Variants in EXOC2 observed in about 807,000 individuals in gnomAD.
EXOC2 encodes SEC5-like 1.
EXOC2 carries 70 observed loss-of-function variants against 131.8 expected under a neutral mutation model. The observed-to-expected ratio is 0.53, with a 90% CI of 0.44 to 0.65. The LOEUF (loss-of-function observed/expected upper bound fraction) is 0.65. Ranked by LOEUF, EXOC2 falls within the 30% of genes least tolerant of loss-of-function variation. EXOC2 has a pLI of 0.00. For missense variants in EXOC2, 923 were observed against 1,108.6 expected (o/e 0.83, Z 2.38); for synonymous variants, 411 against 398.4 (o/e 1.03, Z -0.38).
rs1760256413 is a variant in EXOC2, at chr6:603,989, C to T, written c.743-4764G>A. 3.3e-5 allele frequency among the ~76,000 whole-genome samples: 5 copies of T among 152,326 alleles called. No homozygotes were observed. In the South Asian group the frequency reaches 1.0e-3, roughly 32 times the overall value. Reference sequence around the variant, plus strand: ...CTATGCCAGGTGTGATTCGAAAACCCTCATGGGTATTAGTTCACCTGCACA... The same window carrying T: ...CTATGCCAGGTGTGATTCGAAAACCTTCATGGGTATTAGTTCACCTGCACA... On this transcript the variant is annotated intron_variant, in intron 7 of 27. Coordinates refer to ENST00000230449, the MANE Select transcript of EXOC2 (RefSeq NM_018303.6).
chr6:614,479 T>C (rs1760882836), intron 6 of EXOC2, among the ~76,000 whole-genome samples: 1 of 152,184 alleles, frequency 6.6e-6, no homozygotes, highest in Non-Finnish European at 1.5e-5. Context: ...TGAATCTCTA[T>C]CCCTGGCTGA....
At chr6:575,193 C>T (rs986680972) in intron 12 of EXOC2, among the ~76,000 whole-genome samples, 10 of 152,162 alleles carry the variant, frequency 6.6e-5, no homozygotes, top group South Asian at 4.2e-4. Context: ...ACCCATTGCC[C>T]GTGTGCCCCG....
At chr6:499,841 C>A in intron 23 of EXOC2, 141 bp from the exon 24 acceptor site, 1 of 633,936 alleles carries the variant, frequency 1.6e-6, no homozygotes, top group Non-Finnish European at 2.8e-6. Flanking sequence ...TTTTGAGAAT[C>A]AAATGGTGAA....
chr6:507,182 C>G (rs1764596436), intron 23 of EXOC2, among the ~76,000 whole-genome samples: 1 of 26,322 alleles, frequency 3.8e-5, no homozygotes, highest in Non-Finnish European at 8.8e-5. Flanking sequence ...ACACACACAG[C>G]AGTGACCCCC....
intron 25 of EXOC2, among the ~76,000 whole-genome samples, chr6:497,044 AGTT>A (rs149723283): frequency 0.028 from 4,217 of 152,344 alleles, 185 homozygotes; most frequent in African/African-American, 0.096. Context: ...ATTAAAAGCA[AGTT>A]GTTAAAAATT....
intron 3 of EXOC2, among the ~76,000 whole-genome samples, chr6:631,164 C>T (rs1348036994): frequency 1.3e-5 from 2 of 152,214 alleles, no homozygotes; most frequent in African/African-American, 4.8e-5. Flanking sequence ...TATGAACCCA[C>T]TCATTCTCTC....
Position 497,503 on chromosome 6 carries a change from G to C in EXOC2, c.2437-14C>G, listed in dbSNP as rs1763808868. 1 of 1,606,406 alleles carries C rather than the reference G, an allele frequency of 6.2e-7. No individual in the cohort carries two copies. Among genetic ancestry groups the C allele is most frequent in the African/African-American group, 1.3e-5 (1 of 74,660 alleles). ...AATGGTGAACACCTGGTTTGAAATAGGAAGACATGGTGCTTTGTGGGGCTT... is the reference window on the plus strand; with the variant it reads ...AATGGTGAACACCTGGTTTGAAATACGAAGACATGGTGCTTTGTGGGGCTT... On this transcript the variant is annotated splice_polypyrimidine_tract_variant and intron_variant, in intron 24 of 27. Coordinates refer to ENST00000230449, the MANE Select transcript of EXOC2 (RefSeq NM_018303.6).
At chr6:499,501 C>T in intron 24 of EXOC2, 144 bp downstream of exon 24, 1 of 573,508 alleles carries the variant, frequency 1.7e-6, no homozygotes, top group Non-Finnish European at 3.1e-6. Context: ...ACAGTGCGAG[C>T]AAGAGCTGAA....
intron 11 of EXOC2, among the ~76,000 whole-genome samples, chr6:588,599 C>T (rs1410156108): frequency 6.6e-6 from 1 of 152,178 alleles, no homozygotes; most frequent in Admixed American, 6.5e-5. Context: ...GTGATCCGCC[C>T]GCCTCGGCCT....
chr6:585,011 G>A (rs187641298), intron 11 of EXOC2, among the ~76,000 whole-genome samples: 8 of 152,306 alleles, frequency 5.3e-5, no homozygotes, highest in African/African-American at 1.2e-4. Flanking sequence ...CTCTGAAGAC[G>A]CAGTCTAATT....
intron 1 of EXOC2, among the ~76,000 whole-genome samples, chr6:674,636 C>A (rs575307886): frequency 9.2e-5 from 14 of 152,208 alleles, no homozygotes; most frequent in African/African-American, 3.1e-4. Context: ...AGAAACACTA[C>A]TGTACTGATC....
At chr6:627,297 C>T (rs1761626039) in intron 4 of EXOC2, among the ~76,000 whole-genome samples, 1 of 148,588 alleles carries the variant, frequency 6.7e-6, no homozygotes, top group African/African-American at 2.5e-5. Flanking sequence ...TGGCCAAAAG[C>T]ATTATCTTCT....
intron 4 of EXOC2, among the ~76,000 whole-genome samples, chr6:625,958 C>T (rs939905747): frequency 1.3e-5 from 2 of 152,290 alleles, no homozygotes; most frequent in South Asian, 4.1e-4. Flanking sequence ...TAAATACCCT[C>T]TTGTTAGGCA....
chr6:659,802 G>C (rs1239930040), intron 1 of EXOC2, among the ~76,000 whole-genome samples: 1 of 152,198 alleles, frequency 6.6e-6, no homozygotes, highest in Non-Finnish European at 1.5e-5. Context: ...ACTCCACAGG[G>C]AGAAGGAAAT....
chr6:530,648 G>A (rs980524081), intron 23 of EXOC2, among the ~76,000 whole-genome samples: 9 of 152,188 alleles, frequency 5.9e-5, no homozygotes, highest in Non-Finnish European at 1.2e-4. Context: ...CACAGTGCAC[G>A]AAGCACCCAG....
intron 1 of EXOC2, among the ~76,000 whole-genome samples, chr6:668,887 T>C (rs1244782324): frequency 6.6e-6 from 1 of 152,272 alleles, no homozygotes; most frequent in African/African-American, 2.4e-5. Flanking sequence ...TGTTTTTTTA[T>C]TGCTGCATTG....
intron 23 of EXOC2, among the ~76,000 whole-genome samples, chr6:514,616 A>T (rs896960374): frequency 3.3e-5 from 5 of 152,216 alleles, no homozygotes; most frequent in African/African-American, 1.2e-4. Context: ...AGGCTTTCTT[A>T]GGAGCTGCAG....
intron 1 of EXOC2, among the ~76,000 whole-genome samples, chr6:692,804 G>A (rs998624641): frequency 7.3e-6 from 1 of 137,166 alleles, no homozygotes; most frequent in Non-Finnish European, 1.7e-5. Flanking sequence ...GGGGGTGGGC[G>A]CGGAGCCCAG....
chr6:501,185 ATATATATCTATATATAT>A (rs1764079278), intron 23 of EXOC2, among the ~76,000 whole-genome samples: 5 of 25,858 alleles, frequency 1.9e-4, no homozygotes, highest in African/African-American at 2.6e-4. Context: ...TCTATATATT[ATATATATCTATATATAT>A]TATATATATA....
Sources: gnomAD v4.1 joint callset for allele counts (sites outside exome capture counted in the v4.1 genomes callset) on GRCh38, gnomAD v4.1.1 for gene constraint, MANE v1.5 for transcripts, NCBI Gene and HGNC (gene_info 2026-07-23, HGNC 2026-07-21) for gene names.